SEC24C: variants seen among roughly 807,000 people sequenced by gnomAD.
SEC24C encodes protein transport protein Sec24C.
Under a neutral mutation model 117.0 loss-of-function variants are expected in SEC24C, and 22 were observed. The observed-to-expected ratio is 0.19, with a 90% confidence interval of 0.13 to 0.27. The LOEUF (loss-of-function observed/expected upper bound fraction) is 0.27, where lower values mean the gene tolerates loss of function less well. SEC24C is among the 10% of genes least tolerant of loss of function. The probability of loss-of-function intolerance (pLI) is 1.00; values close to 1 mark genes in which losing one functional copy is unlikely to be tolerated. For synonymous variants in SEC24C, 506 were observed against 529.4 expected, an observed-to-expected ratio of 0.96 and a Z score of 0.61; for missense variants, 1,155 against 1,375.1, an observed-to-expected ratio of 0.84 and a Z score of 2.53.
chr10:73,759,959 T>C (rs2082770765), intron 4 of SEC24C, 59 bp from the exon 5 acceptor site: 5 of 1,518,532 alleles, frequency 3.3e-6, no homozygotes, highest in South Asian at 1.3e-5. Flanking sequence ...GGAAGTGATA[T>C]ACCGAACAAG....
In SEC24C at chr10:73,770,422, T is replaced by G; in HGVS notation, c.3005T>G (p.Val1002Gly). Residue 1002 changes from valine (V) to glycine (G), a missense_variant, in exon 21 of 23, where the codon GTC (valine) becomes GGC (glycine). Val to Gly is a moderately radical substitution (Grantham distance 109). Coordinates refer to ENST00000345254, the MANE Select transcript of SEC24C (RefSeq NM_198597.3). ...GGAGCAAGCGTCCAACAGGGTGTTG[T>G]CCAGAGCCTTTTCAGCGTCTCCTCC... ...WVGASVQQGV[V>G]QSLFSVSSFS... 1 of 1,614,114 alleles carries G rather than the reference T, an allele frequency of 6.2e-7. No homozygotes were observed. The highest frequency in any genetic ancestry group is 1.1e-5 in the South Asian group (1 of 91,076).
intron 3 of SEC24C, among the ~76,000 whole-genome samples, chr10:73,752,994 C>A (rs2132530587): frequency 6.6e-6 from 1 of 152,046 alleles, no homozygotes; most frequent in East Asian, 1.9e-4. Flanking sequence ...TTATTCTCTC[C>A]CTCCCCTCAT....
In SEC24C at chr10:73,770,309, A is replaced by G. The variant is rs751104175; in HGVS notation, c.2892A>G (p.Glu964=). The G allele has an allele frequency of 6.8e-6, 11 of 1,612,704 alleles. No homozygotes were observed. Among genetic ancestry groups the G allele is most frequent in the Non-Finnish European group, 8.5e-6 (10 of 1,179,400 alleles). ...AGTCTCCCGTTGAGAGTACTACCGAACCACCAGCAGTTCGAGCCTCTGAAG... is the reference window on the plus strand; with the variant it reads ...AGTCTCCCGTTGAGAGTACTACCGAGCCACCAGCAGTTCGAGCCTCTGAAG... The part of the protein sequence containing the change: ...LTKSPVESTT[E]PPAVRASEER... The change falls in exon 21 of 23, where the codon GAA becomes GAG. Residue 964 remains glutamate, a synonymous_variant. Transcript: ENST00000345254.
chr10:73,750,540 C>T (rs190560416), intron 2 of SEC24C, among the ~76,000 whole-genome samples: 10 of 152,244 alleles, frequency 6.6e-5, no homozygotes, highest in East Asian at 5.8e-4. Flanking sequence ...ACAAGGTCTC[C>T]GATCTATAGG....
rs569959058 is a variant in SEC24C, at chr10:73,760,192, G to C, written c.656G>C (p.Gly219Ala). The change falls in exon 5 of 23, where the codon GGG becomes GCG. Residue 219 changes from glycine (G) to alanine (A), a missense_variant. Physicochemically the swap from Gly to Ala is moderately conservative, Grantham distance 60 (BLOSUM62 0). Coordinates refer to ENST00000345254, the MANE Select transcript of SEC24C (RefSeq NM_198597.3). ...QASSFTPPAS[G>A]GPRLPSMTGP... ...TCCAGCTTCACACCCCCAGCTTCAG[G>C]GGGTCCTCGGCTGCCTTCGATGACT... is the stretch of plus-strand genomic sequence containing the variant. 3.1e-6 allele frequency: 5 copies of C among 1,614,104 alleles called. No individual in the cohort carries two copies. The East Asian group carries it at 1.1e-4, about 36-fold the overall frequency.
In SEC24C at chr10:73,759,723, C is replaced by T. The variant is rs1238709334; in HGVS notation, c.410C>T (p.Ala137Val). 6.2e-7 allele frequency: 1 copy of T among 1,610,556 alleles called. No individual in the cohort carries two copies. The highest frequency in any genetic ancestry group is 1.7e-4 in the Middle Eastern group (1 of 6,060). Residue 137 changes from alanine (A) to valine (V), a missense_variant, in exon 4 of 23, where the codon GCT becomes GTT. By Grantham distance (64) the Ala-to-Val change is moderately conservative (BLOSUM62 0). Transcript: ENST00000345254. ...CCTCCCCCGACAAGTGCACAGGTGG[C>T]TACGCAGCTGTCTGGAATGCAGATC... The part of the protein sequence containing the change: ...YGPPPTSAQV[A>V]TQLSGMQISG...
At chr10:73,753,925 C>G (rs542249691) in intron 3 of SEC24C, among the ~76,000 whole-genome samples, 1 of 152,258 alleles carries the variant, frequency 6.6e-6, no homozygotes, top group African/African-American at 2.4e-5. Flanking sequence ...TGTGGTCCAA[C>G]ACAAATTCAT....
intron 3 of SEC24C, among the ~76,000 whole-genome samples, chr10:73,757,165 C>T (rs2035451927): frequency 1.4e-5 from 2 of 145,094 alleles, no homozygotes; most frequent in South Asian, 2.2e-4. Flanking sequence ...CCATCTGTCT[C>T]GGCCTCCCAA....
Position 73,770,714 on chromosome 10 carries a change from T to C in SEC24C, c.3060T>C (p.Val1020=), listed in dbSNP as rs977223731. ...SFSQITSGLS[V]LPVLDNPLSK... ...AAATGAATTTTGTGTTCTAGAGTGT[T>C]CTGCCAGTTCTGGATAATCCACTGT... The change falls in exon 22 of 23, where the codon GTT becomes GTC. Residue 1020 remains valine, a synonymous_variant. Transcript: ENST00000345254. 1 of 1,614,130 alleles carries C rather than the reference T, an allele frequency of 6.2e-7. No individual in the cohort carries two copies. The highest frequency in any genetic ancestry group is 8.5e-7 in the Non-Finnish European group (1 of 1,180,008).
At chr10:73,763,795 G>A in intron 7 of SEC24C, 61 bp from the exon 8 acceptor site, 2 of 1,551,758 alleles carry the variant, frequency 1.3e-6, no homozygotes, top group Admixed American at 1.8e-5. Context: ...GATCACCAAT[G>A]GAGAGCTGGT....
At chr10:73,746,136 G>A (rs1458360770) in intron 1 of SEC24C, among the ~76,000 whole-genome samples, 2 of 135,208 alleles carry the variant, frequency 1.5e-5, no homozygotes, top group Non-Finnish European at 3.1e-5. Context: ...CTCCAGCCTG[G>A]CAACAGAGTG....
At chr10:73,766,875 ACCT>A in intron 13 of SEC24C, 22 bp downstream of exon 13, 2 of 1,593,808 alleles carry the variant, frequency 1.3e-6, no homozygotes, top group Non-Finnish European at 1.7e-6. Context: ...GTATCGGGCA[ACCT>A]CCTCTAACTC....
intron 8 of SEC24C, among the ~76,000 whole-genome samples, chr10:73,764,450 G>A (rs1301886750): frequency 6.6e-6 from 1 of 151,880 alleles, no homozygotes; most frequent in Non-Finnish European, 1.5e-5. Flanking sequence ...CGTGAACCCG[G>A]GAGGCAGAGC....
Position 73,760,199 on chromosome 10 carries a change from T to A in SEC24C, c.663T>A (p.Pro221=). The change falls in exon 5 of 23, where the codon CCT becomes CCA. Residue 221 remains proline, a synonymous_variant. Coordinates refer to ENST00000345254, the MANE Select transcript of SEC24C (RefSeq NM_198597.3). ...SSFTPPASGG[P]RLPSMTGPLL... is the part of the protein sequence containing the mutation. The stretch of plus-strand genomic sequence containing the variant: ...TCACACCCCCAGCTTCAGGGGGTCC[T>A]CGGCTGCCTTCGATGACTGGTCCAC... The A allele has an allele frequency of 6.2e-7, 1 of 1,614,152 alleles. No homozygotes were observed.
chr10:73,769,214 G>T lies in SEC24C; in HGVS notation c.2424+62G>T. The T allele has an allele frequency of 6.2e-7, 1 of 1,601,854 alleles. No homozygotes were observed. On this transcript the variant is annotated intron_variant, in intron 17 of 22. Coordinates refer to ENST00000345254, the MANE Select transcript of SEC24C (RefSeq NM_198597.3). The surrounding 1 kb of genome is among the most constrained non-coding windows in gnomAD (Gnocchi z 4.5). Reference sequence around the variant, plus strand: ...TCATTCGCTTGGTATAGAAGAGGGTGAGGAATGGGTAGAGAGCACTAAAAG... The same window carrying T: ...TCATTCGCTTGGTATAGAAGAGGGTTAGGAATGGGTAGAGAGCACTAAAAG...
rs1183446485 is a variant in SEC24C, at chr10:73,759,770, C to A, written c.457C>A (p.Pro153Thr). 5.0e-6 allele frequency: 8 copies of A among 1,596,418 alleles called. No homozygotes were observed. Among genetic ancestry groups the A allele is most frequent in the Non-Finnish European group, 6.8e-6 (8 of 1,173,768 alleles). Residue 153 changes from proline (P) to threonine (T), a missense_variant, in exon 4 of 23, where the codon CCT becomes ACT. Transcript: ENST00000345254. ...MQISGAVAPA[P>T]PSSGLGFGPP... The stretch of plus-strand genomic sequence containing the variant: ...GATCAGCGGTGCTGTGGCCCCAGCC[C>A]CTCCTTCTTCAGGGCTGGGCTTTGG...
chr10:73,771,970 T>A lies in SEC24C; in HGVS notation c.*875T>A, dbSNP rs2082991616. ...TGGGACACCGCTTGGGCTTTGGTAT[T>A]GACTGAGTGGCTGACAGTTATCTTC... On this transcript the variant is annotated 3_prime_UTR_variant, in exon 23 of 23. Coordinates refer to ENST00000345254, the MANE Select transcript of SEC24C (RefSeq NM_198597.3). 1 of 214,860 alleles carries A rather than the reference T, an allele frequency of 4.7e-6. No individual in the cohort carries two copies. Among genetic ancestry groups the A allele is most frequent in the African/African-American group, 2.3e-5 (1 of 43,900 alleles). The allele number at this position is 214,860 out of a possible 1,614,324, so 13.3% of individuals were successfully genotyped here. A position where few individuals can be genotyped will look rare whatever the true frequency, so the allele number is the denominator to read the frequency against.
rs747314797 is a variant in SEC24C at position 73,760,735 on chromosome 10, C to T, written c.873C>T (p.Gly291=). The change falls in exon 6 of 23, where the codon GGC becomes GGT. Residue 291 remains glycine (G), a synonymous_variant. Transcript: ENST00000345254. ...QQNGSFGPAR[G]PQSNYGGPYP... ...CAGGTTCCTTCGGACCAGCCCGGGG[C>T]CCTCAGTCTAATTATGGAGGCCCCT... is the stretch of plus-strand genomic sequence containing the variant. The T allele has an allele frequency of 1.9e-6, 3 of 1,610,826 alleles. No homozygotes were observed. The highest frequency in any genetic ancestry group is 1.1e-5 in the South Asian group (1 of 90,702).
Position 73,769,436 on chromosome 10 carries a change from A to G in SEC24C, c.2514A>G (p.Leu838=), listed in dbSNP as rs1304535790. The G allele has an allele frequency of 7.4e-6, 12 of 1,614,020 alleles. No homozygotes were observed. In the Admixed American group the frequency reaches 1.0e-4, roughly 13 times the overall value. Residue 838 remains leucine (L), a synonymous_variant, in exon 18 of 23, where the codon CTA becomes CTG. Coordinates refer to ENST00000345254, the MANE Select transcript of SEC24C (RefSeq NM_198597.3). The surrounding 1 kb of genome is among the most constrained non-coding windows in gnomAD (Gnocchi z 4.5). The part of the protein sequence containing the change: ...ALNCCTQLAD[L]YRNCETDTLI... ...ACTGCTGCACCCAGCTGGCTGATCT[A>G]TATCGAAACTGTGAGACTGACACGC...
Sources: allele counts gnomAD v4.1 joint callset (sites outside exome capture counted in the v4.1 genomes callset), GRCh38; gene constraint gnomAD v4.1.1; non-coding constraint Gnocchi (gnomAD v3.1); transcripts MANE v1.5; gene names NCBI Gene and HGNC (gene_info 2026-07-23, HGNC 2026-07-21).